The following LDHC variants were observed in gnomAD, a reference collection of about 807,000 sequenced individuals.
LDHC encodes the protein lactate dehydrogenase C, also known as L-lactate dehydrogenase C chain.
A neutral mutation model predicts 30.2 loss-of-function variants in LDHC; 20 were observed. The observed-to-expected ratio is 0.66, with a 90% CI of 0.47 to 0.96. The LOEUF is 0.96. Among genes scored for constraint, LDHC ranks in the 40% least tolerant of loss-of-function variants. LDHC has a pLI of 0.00. For missense variants in LDHC, 362 were observed against 394.9 expected, an observed-to-expected ratio of 0.92 and a Z score of 0.71; for synonymous variants, 139 against 132.7, an observed-to-expected ratio of 1.05 and a Z score of -0.32.
chr11:18,418,876 T>G (rs1430829586), intron 3 of LDHC, among the ~76,000 whole-genome samples: 1 of 152,168 alleles, frequency 6.6e-6, no homozygotes, highest in Non-Finnish European at 1.5e-5. Context: ...AATATGTTCT[T>G]AACAAAAAAG....
intron 5 of LDHC, among the ~76,000 whole-genome samples, chr11:18,435,489 G>A (rs1186653952): frequency 6.6e-6 from 1 of 151,634 alleles, no homozygotes; most frequent in Non-Finnish European, 1.5e-5. Context: ...AGTTTCCTGA[G>A]GCCTCTCAGG....
chr11:18,412,843 G>A lies in LDHC; in HGVS notation c.126G>A (p.Lys42=), dbSNP rs1486702368. ...CTTGTGCTATTAGTATCTTACTGAA[G>A]GTGAGTGAGAAGCCCATCCTGTGGC... ...GMACAISILL[K]DLADELALVD... is the part of the protein sequence containing the mutation. Residue 42 remains lysine (K), a splice_region_variant and synonymous_variant, in exon 2 of 8, where the codon AAG becomes AAA. Coordinates refer to ENST00000541669, the MANE Select transcript of LDHC (RefSeq NM_017448.5). 6.2e-7 allele frequency: 1 copy of A among 1,612,264 alleles called. No homozygotes were observed. Among genetic ancestry groups the A allele is most frequent in the South Asian group, 1.1e-5 (1 of 90,718 alleles).
At position 18,412,420 on chromosome 11, in the gene LDHC, T is replaced by C. The variant is rs1417264508; in HGVS notation, c.-10+12T>C. 1.2e-5 allele frequency: 3 copies of C among 243,384 alleles called. No individual in the cohort carries two copies. The highest frequency in any genetic ancestry group is 2.4e-5 in the Non-Finnish European group (3 of 124,086). The allele number at this position is 243,384 out of a possible 1,614,324, so 15.1% of individuals were successfully genotyped here. On this transcript the variant is annotated intron_variant, in intron 1 of 7. Transcript: ENST00000541669. ...GCCTTCCTTCAAAGGTGGTGCTTTG[T>C]CCCTGTGGGTCATCTGTACTGATTG...
intron 7 of LDHC, chr11:18,450,668 C>T (rs1331651459): frequency 4.1e-6 from 1 of 244,564 alleles, no homozygotes. Context: ...CATGAAAGAC[C>T]GCATGGCATC....
chr11:18,441,352 T>C (rs1374202800), intron 6 of LDHC, among the ~76,000 whole-genome samples: 7 of 151,672 alleles, frequency 4.6e-5, no homozygotes, highest in Non-Finnish European at 1.0e-4. Flanking sequence ...GGGGTCTTGC[T>C]TTGTCGCCAG....
At chr11:18,428,158 TTC>T (rs1278005921) in intron 3 of LDHC, among the ~76,000 whole-genome samples, 1 of 147,722 alleles carries the variant, frequency 6.8e-6, no homozygotes, top group African/African-American at 2.5e-5. Flanking sequence ...TTTTCTTTCT[TTC>T]TCTCTCTTTT....
chr11:18,434,696 A>T, intron 4 of LDHC, 44 bp from the exon 5 acceptor site: 3 of 1,308,204 alleles, frequency 2.3e-6, no homozygotes, highest in Admixed American at 2.0e-5. Flanking sequence ...AAATTTTTTT[A>T]AGTTATGATG....
intron 3 of LDHC, among the ~76,000 whole-genome samples, chr11:18,425,945 A>AAAAAAAG (rs967348011): frequency 2.0e-5 from 3 of 151,966 alleles, no homozygotes; most frequent in East Asian, 1.9e-4. Context: ...TGTCTCAGAA[A>AAAAAAAG]AAAAAAGAAA....
At position 18,415,220 on chromosome 11, in the gene LDHC, T is replaced by C. The variant is rs376543708; in HGVS notation, c.163T>C (p.Leu55=). The C allele has an allele frequency of 2.1e-5, 34 of 1,610,450 alleles. No individual in the cohort carries two copies. The highest frequency in any genetic ancestry group is 2.0e-4 in the African/African-American group (15 of 74,978). ...TGAACTTGCCCTTGTTGATGTTGCA[T>C]TGGACAAACTGAAGGGAGAAATGAT... ...ADELALVDVA[L]DKLKGEMMDL... Residue 55 remains leucine, a synonymous_variant, in exon 3 of 8, where the codon TTG becomes CTG. Transcript: ENST00000541669.
intron 4 of LDHC, among the ~76,000 whole-genome samples, chr11:18,432,407 C>T (rs1848282629): frequency 2.0e-5 from 3 of 152,078 alleles, no homozygotes; most frequent in Admixed American, 2.0e-4. Context: ...GAGAAAGTTC[C>T]ATGTGCTGTT....
Position 18,451,034 on chromosome 11 carries a change from T to A in LDHC, c.906T>A (p.Asp302Glu). ...PCVLGRNGVSDVVKINLNSEE... is the reference protein window; with the variant it reads ...PCVLGRNGVSEVVKINLNSEE... The stretch of plus-strand genomic sequence containing the variant: ...TCTTGGGGCGGAATGGTGTCTCAGA[T>A]GTTGTGAAAATTAACTTGAATTCTG... The change falls in exon 8 of 8, where the codon GAT becomes GAA. Residue 302 changes from aspartate to glutamate, a missense_variant. Transcript: ENST00000541669. 1 of 1,594,554 alleles carries A rather than the reference T, an allele frequency of 6.3e-7. No individual in the cohort carries two copies. Among genetic ancestry groups the A allele is most frequent in the Non-Finnish European group, 8.5e-7 (1 of 1,172,802 alleles).
chr11:18,439,956 C>T (rs1468460268), intron 6 of LDHC, among the ~76,000 whole-genome samples: 1 of 151,326 alleles, frequency 6.6e-6, no homozygotes, highest in Admixed American at 6.6e-5. Context: ...TGTGCCAGTG[C>T]AATCCAGCCT....
At chr11:18,432,122 G>T (rs1315795112) in intron 4 of LDHC, among the ~76,000 whole-genome samples, 1 of 152,062 alleles carries the variant, frequency 6.6e-6, no homozygotes, top group Non-Finnish European at 1.5e-5. Flanking sequence ...TTTCCTCTTG[G>T]CATCACCTTA....
At chr11:18,440,659 T>C (rs1470646543) in intron 6 of LDHC, among the ~76,000 whole-genome samples, 1 of 152,166 alleles carries the variant, frequency 6.6e-6, no homozygotes, top group African/African-American at 2.4e-5. Context: ...CTGGGTGCAG[T>C]GGCTCACATC....
Position 18,451,051 on chromosome 11 carries a change from T to C in LDHC, c.923T>C (p.Leu308Ser). 1.9e-6 allele frequency: 3 copies of C among 1,593,066 alleles called. No homozygotes were observed. The highest frequency in any genetic ancestry group is 2.6e-6 in the Non-Finnish European group (3 of 1,172,120). The change falls in exon 8 of 8, where the codon TTG (leucine) becomes TCG (serine). Residue 308 changes from leucine to serine, a missense_variant. Coordinates refer to ENST00000541669, the MANE Select transcript of LDHC (RefSeq NM_017448.5). Reference sequence around the variant, plus strand: ...GTCTCAGATGTTGTGAAAATTAACTTGAATTCTGAGGAGGAGGCCCTTTTC... The same window carrying C: ...GTCTCAGATGTTGTGAAAATTAACTCGAATTCTGAGGAGGAGGCCCTTTTC... ...NGVSDVVKIN[L>S]NSEEEALFKK...
chr11:18,434,919 T>C lies in LDHC; in HGVS notation c.592+6T>C, dbSNP rs780275729. 1.9e-6 allele frequency: 3 copies of C among 1,594,026 alleles called. No individual in the cohort carries two copies. The East Asian group carries it at 6.7e-5, about 36-fold the overall frequency. On this transcript the variant is annotated splice_donor_region_variant and intron_variant, in intron 5 of 7. Coordinates refer to ENST00000541669, the MANE Select transcript of LDHC (RefSeq NM_017448.5). Reference sequence around the variant, plus strand: ...AGAACATGGTGATTCTAGTGGTAAGTATAAATCTATTATTATTACGTGACT... The same window carrying C: ...AGAACATGGTGATTCTAGTGGTAAGCATAAATCTATTATTATTACGTGACT...
At chr11:18,434,349 G>T (rs531738252) in intron 4 of LDHC, among the ~76,000 whole-genome samples, 2 of 152,046 alleles carry the variant, frequency 1.3e-5, no homozygotes, top group East Asian at 3.9e-4. Flanking sequence ...TCAATTGCTG[G>T]TGAACTTATG....
At chr11:18,418,225 T>C (rs973723013) in intron 3 of LDHC, among the ~76,000 whole-genome samples, 1 of 149,372 alleles carries the variant, frequency 6.7e-6, no homozygotes, top group Non-Finnish European at 1.5e-5. Flanking sequence ...TAATTATATA[T>C]ATAATAATAA....
Position 18,438,103 on chromosome 11 carries a change from G to A in LDHC, c.593-425G>A, listed in dbSNP as rs116728251. The stretch of plus-strand genomic sequence containing the variant: ...GCTGAGTAATTTATAAAGAAAAGGG[G>A]TTTAATTTAGCTTGTGCTTCTGCAG... On this transcript the variant is annotated intron_variant, in intron 5 of 7. Coordinates refer to ENST00000541669, the MANE Select transcript of LDHC (RefSeq NM_017448.5). Among the ~76,000 whole-genome samples the A allele has an allele frequency of 3.7e-3, 557 of 152,246 alleles. 8 individuals are homozygous for A. Among genetic ancestry groups the A allele is most frequent in the African/African-American group, 0.013 (539 of 41,540 alleles).
Sources: allele counts gnomAD v4.1 joint callset (sites outside exome capture counted in the v4.1 genomes callset), GRCh38; gene constraint gnomAD v4.1.1; transcripts MANE v1.5; gene names NCBI Gene and HGNC (gene_info 2026-07-23, HGNC 2026-07-21).